CR1L: variants seen among roughly 807,000 people sequenced by gnomAD.
CR1L encodes complement C3b/C4b receptor 1 like.
In CR1L, 59 loss-of-function variants were observed where a neutral mutation model predicts 62.3. That is an observed-to-expected ratio of 0.95 (90% confidence interval 0.77 to 1.18). CR1L has a LOEUF of 1.18. Among genes scored for constraint, CR1L ranks in the 50% most tolerant of loss-of-function variants. The pLI, the probability that CR1L is intolerant of heterozygous loss-of-function variation, is 0.00. For missense variants in CR1L, 700 were observed against 702.8 expected (o/e 1.00, Z 0.04); for synonymous variants, 279 against 248.7 (o/e 1.12, Z -1.15).
At position 207,674,125 on chromosome 1, in the gene CR1L, A is replaced by G. The variant is rs539967899; in HGVS notation, c.98-3264A>G. 5.9e-5 allele frequency among the ~76,000 whole-genome samples: 9 copies of G among 152,328 alleles called. 1 individual carries two copies. In the South Asian group the frequency reaches 1.9e-3, roughly 32 times the overall value. On this transcript the variant is annotated intron_variant, in intron 1 of 11. Transcript: ENST00000508064. ...AACGAAGTGATTCGGGTTATATGAA[A>G]TTTTAGAAAGTCAAATCAATCTGTA...
chr1:207,663,107 G>A (rs1663451780), intron 1 of CR1L, among the ~76,000 whole-genome samples: 1 of 152,230 alleles, frequency 6.6e-6, no homozygotes, highest in Middle Eastern at 3.2e-3. Context: ...CCCACTTGAG[G>A]AGGTAGTCTG....
At chr1:207,657,839 A>G (rs1663339416) in intron 1 of CR1L, among the ~76,000 whole-genome samples, 1 of 152,240 alleles carries the variant, frequency 6.6e-6, no homozygotes, top group Non-Finnish European at 1.5e-5. Context: ...TTAAAAGTAT[A>G]TACTTCCCAA....
intron 11 of CR1L, among the ~76,000 whole-genome samples, chr1:207,720,357 T>C (rs796250881): frequency 1.9e-4 from 29 of 152,312 alleles, no homozygotes; most frequent in African/African-American, 6.5e-4. Flanking sequence ...CCAGTATTTT[T>C]TCCCTAAGAC....
chr1:207,672,948 G>A (rs1663636240), intron 1 of CR1L, among the ~76,000 whole-genome samples: 1 of 152,128 alleles, frequency 6.6e-6, no homozygotes. Flanking sequence ...GAAATACTGG[G>A]TGAAGATCAC....
chr1:207,716,354 T>C (rs1483618591), intron 10 of CR1L, among the ~76,000 whole-genome samples: 1 of 152,122 alleles, frequency 6.6e-6, no homozygotes, highest in Non-Finnish European at 1.5e-5. Flanking sequence ...AATGATGAGG[T>C]GTCCTAAATT....
chr1:207,688,658 A>G (rs1334913290), intron 4 of CR1L, among the ~76,000 whole-genome samples: 1 of 152,220 alleles, frequency 6.6e-6, no homozygotes, highest in African/African-American at 2.4e-5. Flanking sequence ...GACTTAGTAC[A>G]TCAATTTGTA....
At chr1:207,711,648 T>A (rs1221819609) in intron 10 of CR1L, 3 of 152,364 alleles carry the variant, frequency 2.0e-5, no homozygotes, top group Non-Finnish European at 4.4e-5. Flanking sequence ...GGCCCATGCC[T>A]GTAATCCCAG....
At chr1:207,712,621 G>A (rs1405643933) in intron 10 of CR1L, among the ~76,000 whole-genome samples, 1 of 152,214 alleles carries the variant, frequency 6.6e-6, no homozygotes, top group Non-Finnish European at 1.5e-5. Flanking sequence ...ACAGCTGTGA[G>A]CCCAGCTATG....
chr1:207,656,204 C>T (rs2025371), intron 1 of CR1L, among the ~76,000 whole-genome samples: 25,630 of 152,170 alleles, frequency 0.17, 2,803 homozygotes, highest in Non-Finnish European at 0.26. Flanking sequence ...CGCCACTGCA[C>T]TCCAGCCTGG....
intron 1 of CR1L, among the ~76,000 whole-genome samples, chr1:207,664,142 T>A (rs1008405475): frequency 6.6e-6 from 1 of 152,214 alleles, no homozygotes; most frequent in Non-Finnish European, 1.5e-5. Context: ...TATTTTGATA[T>A]GATGGAAGGG....
chr1:207,666,755 G>C (rs937328911), intron 1 of CR1L, among the ~76,000 whole-genome samples: 3 of 152,132 alleles, frequency 2.0e-5, no homozygotes, highest in African/African-American at 7.2e-5. Flanking sequence ...AATGGTACTA[G>C]GCTTAATACT....
Position 207,683,879 on chromosome 1 carries a change from C to T in CR1L, c.385C>T (p.Leu129Phe). The T allele has an allele frequency of 6.2e-7, 1 of 1,613,260 alleles. No homozygotes were observed. The highest frequency in any genetic ancestry group is 8.5e-7 in the Non-Finnish European group (1 of 1,179,460). The change falls in exon 4 of 12, where the codon CTC becomes TTC. Residue 129 changes from leucine (L) to phenylalanine (F), a missense_variant. Transcript: ENST00000508064. ...CTTATTTTTTGCCTCTAGATACCGACTCATTGGTTCCTCGTCTGCCACATG... is the reference window on the plus strand; with the variant it reads ...CTTATTTTTTGCCTCTAGATACCGATTCATTGGTTCCTCGTCTGCCACATG... ...IKYSCPKGYR[L>F]IGSSSATCII...
chr1:207,697,845 G>A lies in CR1L; in HGVS notation c.1114G>A (p.Ala372Thr). Residue 372 changes from alanine (A) to threonine (T), a missense_variant, in exon 7 of 12, where the codon GCA becomes ACA. Transcript: ENST00000508064. ...VLFPLNLQLGAKVDFVCDEGF... is the reference protein window; with the variant it reads ...VLFPLNLQLGTKVDFVCDEGF... ...ATTTCCACTTAATCTCCAGCTTGGA[G>A]CAAAAGTGGATTTTGTTTGTGATGA... The A allele has an allele frequency of 1.2e-6, 2 of 1,613,962 alleles. No individual in the cohort carries two copies. Among genetic ancestry groups the A allele is most frequent in the Non-Finnish European group, 1.7e-6 (2 of 1,179,884 alleles).
At chr1:207,664,091 A>G (rs1192634777) in intron 1 of CR1L, among the ~76,000 whole-genome samples, 1 of 152,208 alleles carries the variant, frequency 6.6e-6, no homozygotes, top group Non-Finnish European at 1.5e-5. Context: ...GACTTTTTGC[A>G]GGGACTCCTG....
chr1:207,706,013 G>GTATGTATATA (rs1553245265), intron 9 of CR1L, among the ~76,000 whole-genome samples: 1 of 133,574 alleles, frequency 7.5e-6, no homozygotes, highest in Non-Finnish European at 1.6e-5. Flanking sequence ...GTGTGTGTAT[G>GTATGTATATA]TATATATATA....
chr1:207,661,108 G>T (rs1481171572), intron 1 of CR1L, among the ~76,000 whole-genome samples: 1 of 152,214 alleles, frequency 6.6e-6, no homozygotes, highest in Non-Finnish European at 1.5e-5. Flanking sequence ...GTGCTGAAAA[G>T]AATGTATATT....
At chr1:207,688,146 A>C (rs939771167) in intron 4 of CR1L, among the ~76,000 whole-genome samples, 2 of 152,166 alleles carry the variant, frequency 1.3e-5, no homozygotes, top group African/African-American at 4.8e-5. Context: ...TCAGTGGCAC[A>C]TGCCTGTAAG....
intron 1 of CR1L, among the ~76,000 whole-genome samples, chr1:207,671,927 A>AAAAAT (rs554152324): frequency 6.6e-6 from 1 of 150,922 alleles, no homozygotes; most frequent in African/African-American, 2.5e-5. Context: ...TCTCAAAAAT[A>AAAAAT]AAAATAAAAT....
chr1:207,669,918 CGGGACTT>C, intron 1 of CR1L, among the ~76,000 whole-genome samples: 1 of 151,250 alleles, frequency 6.6e-6, no homozygotes, highest in East Asian at 1.9e-4. Flanking sequence ...CCTAGCGAAA[CGGGACTT>C]GGGGATCCGA....
Sources: allele counts gnomAD v4.1 joint callset (sites outside exome capture counted in the v4.1 genomes callset), GRCh38; gene constraint gnomAD v4.1.1; transcripts MANE v1.5; gene names NCBI Gene and HGNC (gene_info 2026-07-23, HGNC 2026-07-21).